C8orf74: variants seen among roughly 807,000 people sequenced by gnomAD.
C8orf74 encodes chromosome 8 open reading frame 74, also known as uncharacterized protein C8orf74.
C8orf74 carries 29 observed loss-of-function variants against 22.2 expected under a neutral mutation model. The observed-to-expected ratio is 1.31, with a 90% CI of 0.97 to 1.78. C8orf74 has a LOEUF of 1.78. Ranked by LOEUF, C8orf74 falls within the 40% of genes most tolerant of loss-of-function variation. The pLI, the probability that C8orf74 is intolerant of heterozygous loss-of-function variation, is 0.00. For missense variants in C8orf74, 515 were observed against 369.9 expected, an observed-to-expected ratio of 1.39 and a Z score of -3.22; for synonymous variants, 255 against 163.1, an observed-to-expected ratio of 1.56 and a Z score of -4.30.
At chr8:10,682,989 G>A (rs1382418975) in intron 2 of C8orf74, among the ~76,000 whole-genome samples, 1 of 152,260 alleles carries the variant, frequency 6.6e-6, no homozygotes, top group African/African-American at 2.4e-5. Context: ...CCTCGAGTGA[G>A]TGGTGTTGGG....
Position 10,672,659 on chromosome 8 carries a change from AG to A in C8orf74, c.-3del. On this transcript the variant is annotated 5_prime_UTR_variant, in exon 1 of 4. Transcript: ENST00000304519. ...GCTCCGTCTCCTGGCAACCAGATGC[AG>A]GGGCCATGGCACTCTTAACACCCCA... 6.4e-7 allele frequency: 1 copy of A among 1,563,142 alleles called. No individual in the cohort carries two copies.
intron 2 of C8orf74, among the ~76,000 whole-genome samples, chr8:10,696,713 G>A (rs1799508987): frequency 6.6e-6 from 1 of 152,034 alleles, no homozygotes; most frequent in African/African-American, 2.4e-5. Context: ...CTCCCAAAGT[G>A]GTGGGATTAC....
chr8:10,690,765 G>A (rs1586046023), intron 2 of C8orf74: 2 of 433,012 alleles, frequency 4.6e-6, no homozygotes, highest in African/African-American at 4.0e-5. Context: ...AGCCGTTTCT[G>A]CCCTGATCGT....
At chr8:10,690,021 G>A (rs895067931) in intron 2 of C8orf74, among the ~76,000 whole-genome samples, 1 of 152,150 alleles carries the variant, frequency 6.6e-6, no homozygotes, top group Non-Finnish European at 1.5e-5. Context: ...CGTTGTCCCA[G>A]AGTCAACTGT....
chr8:10,683,062 T>C (rs1358000666), intron 2 of C8orf74, among the ~76,000 whole-genome samples: 2 of 152,200 alleles, frequency 1.3e-5, no homozygotes, highest in Non-Finnish European at 2.9e-5. Flanking sequence ...CGGGGACCTA[T>C]CCACTCATCC....
chr8:10,693,968 C>G (rs756452138), intron 2 of C8orf74, among the ~76,000 whole-genome samples: 3 of 152,232 alleles, frequency 2.0e-5, no homozygotes, highest in Non-Finnish European at 2.9e-5. Context: ...CAAGCCTCAC[C>G]TTGCTCCCAC....
At chr8:10,694,740 T>C (rs907299183) in intron 2 of C8orf74, among the ~76,000 whole-genome samples, 1 of 152,204 alleles carries the variant, frequency 6.6e-6, no homozygotes, top group Non-Finnish European at 1.5e-5. Flanking sequence ...GGTTCCCAAG[T>C]TTTTCTTTTC....
rs945288362 is a variant in C8orf74 at position 10,697,869 on chromosome 8, T to G, written c.512T>G (p.Leu171Arg). The G allele has an allele frequency of 3.7e-6, 6 of 1,613,174 alleles. No individual in the cohort carries two copies. The highest frequency in any genetic ancestry group is 5.1e-6 in the Non-Finnish European group (6 of 1,179,490). Reference sequence around the variant, plus strand: ...ATCCACGAGCAGCAGGTGGCCACACTGACGGAGGCCGAGGCACAGAAGCGC... The same window carrying G: ...ATCCACGAGCAGCAGGTGGCCACACGGACGGAGGCCGAGGCACAGAAGCGC... ...LWIHEQQVAT[L>R]TEAEAQKRAD... Residue 171 changes from leucine to arginine, a missense_variant, in exon 3 of 4, where the codon CTG (leucine) becomes CGG (arginine). Coordinates refer to ENST00000304519, the MANE Select transcript of C8orf74 (RefSeq NM_001040032.2).
rs542234391 is a variant in C8orf74 at position 10,690,070 on chromosome 8, A to G, written c.242-7529A>G. Among the ~76,000 whole-genome samples, 3 of 152,314 alleles carry G rather than the reference A, an allele frequency of 2.0e-5. No homozygotes were observed. The South Asian group carries it at 6.2e-4, about 32-fold the overall frequency. On this transcript the variant is annotated intron_variant, in intron 2 of 3. Coordinates refer to ENST00000304519, the MANE Select transcript of C8orf74 (RefSeq NM_001040032.2). ...AAACGTTCTTTGGAAAATGTGACCA[A>G]TGGGGCTGGAGGTCCCTTGCAGTGT...
chr8:10,683,832 T>C (rs1799205942), intron 2 of C8orf74, among the ~76,000 whole-genome samples: 1 of 152,222 alleles, frequency 6.6e-6, no homozygotes. Context: ...TCCTCACTTC[T>C]GGAGAGAAGA....
chr8:10,675,360 G>A lies in C8orf74; in HGVS notation c.241+522G>A, dbSNP rs567796781. Among the ~76,000 whole-genome samples the A allele has an allele frequency of 8.4e-4, 128 of 152,348 alleles. 1 individual carries two copies. The highest frequency in any genetic ancestry group is 9.6e-4 in the East Asian group (5 of 5,186). On this transcript the variant is annotated intron_variant, in intron 2 of 3. Coordinates refer to ENST00000304519, the MANE Select transcript of C8orf74 (RefSeq NM_001040032.2). ...AGAAAAGGACCTGGTGGCATGAGGA[G>A]CTGTGGTCACTCCACCCACCTCTTG...
At chr8:10,697,270 C>T (rs1406779575) in intron 2 of C8orf74, among the ~76,000 whole-genome samples, 1 of 151,952 alleles carries the variant, frequency 6.6e-6, no homozygotes, top group Non-Finnish European at 1.5e-5. Flanking sequence ...CTCATCTCCA[C>T]AAAACATAAA....
chr8:10,680,264 T>A (rs1444364096), intron 2 of C8orf74, among the ~76,000 whole-genome samples: 1 of 152,168 alleles, frequency 6.6e-6, no homozygotes, highest in Non-Finnish European at 1.5e-5. Context: ...CGACACTGCA[T>A]AGCCTTGAGA....
intron 3 of C8orf74, 68 bp downstream of exon 3, chr8:10,698,073 C>A (rs1799571380): frequency 1.4e-6 from 2 of 1,404,484 alleles, no homozygotes; most frequent in South Asian, 1.5e-5. Flanking sequence ...GGGCTGGAGT[C>A]ACTGCAGATG....
At chr8:10,691,216 G>C (rs748975260) in intron 2 of C8orf74, 1 of 323,296 alleles carries the variant, frequency 3.1e-6, no homozygotes, top group Non-Finnish European at 6.2e-6. Flanking sequence ...TCTACACTTG[G>C]TTTGTATGAC....
intron 2 of C8orf74, chr8:10,675,610 A>G (rs1022225833): frequency 2.0e-5 from 3 of 152,236 alleles, no homozygotes; most frequent in African/African-American, 4.8e-5. Context: ...GAAGAAGCTG[A>G]CAGCTGCCTC....
chr8:10,687,195 C>T (rs1286458826), intron 2 of C8orf74: 1 of 443,818 alleles, frequency 2.3e-6, no homozygotes, highest in Non-Finnish European at 4.6e-6. Flanking sequence ...GTGTACCAGG[C>T]ACTGTGGAAA....
chr8:10,686,760 T>C lies in C8orf74; in HGVS notation c.242-10839T>C, dbSNP rs1799269565. On this transcript the variant is annotated intron_variant, in intron 2 of 3. Coordinates refer to ENST00000304519, the MANE Select transcript of C8orf74 (RefSeq NM_001040032.2). ...TGGGAAGTCTGGCCCATCTAGCAGGTTCTTGCCATGGAGGCACCCACAATA... is the reference window on the plus strand; with the variant it reads ...TGGGAAGTCTGGCCCATCTAGCAGGCTCTTGCCATGGAGGCACCCACAATA... 1.9e-5 allele frequency: 3 copies of C among 161,676 alleles called. No individual in the cohort carries two copies. The South Asian group carries it at 5.2e-4, about 28-fold the overall frequency. 10.0% of individuals were successfully genotyped at this position (161,676 alleles called of 1,614,324 possible).
At position 10,700,430 on chromosome 8, in the gene C8orf74, CAAAGAGCGAGCAAAGG is replaced by C; in HGVS notation, c.850_865del (p.Ala284LysfsTer?). On this transcript the variant is annotated frameshift_variant, in exon 4 of 4. Transcript: ENST00000304519. LOFTEE classifies it high-confidence loss of function. ...AGGCCAGGAGGAAGCCCTGAAGCCCCAAAGAGCGAGCAAAGGAAAGAAAGCGAAGGCAAGGAAGTAG... is the reference window on the plus strand; with the variant it reads ...AGGCCAGGAGGAAGCCCTGAAGCCCCAAAGAAAGCGAAGGCAAGGAAGTAG... 6.2e-7 allele frequency: 1 copy of C among 1,608,680 alleles called. No individual in the cohort carries two copies. The highest frequency in any genetic ancestry group is 8.5e-7 in the Non-Finnish European group (1 of 1,177,086).
Sources: allele counts gnomAD v4.1 joint callset (sites outside exome capture counted in the v4.1 genomes callset), GRCh38; gene constraint gnomAD v4.1.1; transcripts MANE v1.5; gene names NCBI Gene and HGNC (gene_info 2026-07-23, HGNC 2026-07-21).